THSD7A: variants seen among roughly 807,000 people sequenced by gnomAD.
The protein encoded by THSD7A is thrombospondin type-1 domain-containing protein 7A.
A neutral mutation model predicts 231.3 loss-of-function variants in THSD7A; 96 were observed. The observed-to-expected ratio is 0.41, with a 90% CI of 0.35 to 0.49. THSD7A has a LOEUF of 0.49. THSD7A is among the 20% of genes least tolerant of loss of function. The pLI is 0.05. For missense variants in THSD7A, 2,290 were observed against 2,070.2 expected (o/e 1.11, Z -2.06); for synonymous variants, 940 against 743.3 (o/e 1.26, Z -4.30).
intron 1 of THSD7A, among the ~76,000 whole-genome samples, chr7:11,689,882 T>C (rs2128141610): frequency 6.6e-6 from 1 of 150,948 alleles, no homozygotes. Context: ...GCTCCAGAGA[T>C]TTGTATCTGC....
chr7:11,471,021 T>C (rs1785916765), intron 8 of THSD7A, among the ~76,000 whole-genome samples: 1 of 151,984 alleles, frequency 6.6e-6, no homozygotes, highest in Non-Finnish European at 1.5e-5. Flanking sequence ...ATTTTTAAAT[T>C]TCCCAATTCT....
chr7:11,789,560 C>CTT (rs5882324), intron 1 of THSD7A, among the ~76,000 whole-genome samples: 8 of 147,940 alleles, frequency 5.4e-5, no homozygotes, highest in African/African-American at 2.0e-4. Context: ...ATTTATTTGT[C>CTT]TTTTTTTTTT....
Position 11,375,619 on chromosome 7 carries a change from G to T in THSD7A, c.*175C>A, listed in dbSNP as rs1782237846. On this transcript the variant is annotated 3_prime_UTR_variant, in exon 28 of 28. Coordinates refer to ENST00000423059, the MANE Select transcript of THSD7A (RefSeq NM_015204.3). ...CACGGTTGATGGTCTGTATATAAGT[G>T]GTACTGTCTTAAATATCTCCAGTGG... 1.8e-6 allele frequency: 1 copy of T among 559,826 alleles called. No individual in the cohort carries two copies. Among genetic ancestry groups the T allele is most frequent in the Non-Finnish European group, 3.2e-6 (1 of 314,452 alleles). The allele number at this position is 559,826 out of a possible 1,614,324, so 34.7% of individuals were successfully genotyped here.
chr7:11,394,884 C>T lies in THSD7A; in HGVS notation c.4411+6911G>A, dbSNP rs544323412. Among the ~76,000 whole-genome samples, 7 of 152,196 alleles carry T rather than the reference C, an allele frequency of 4.6e-5. 2 individuals carry two copies. The highest frequency in any genetic ancestry group is 1.4e-4 in the African/African-American group (6 of 41,524). On this transcript the variant is annotated intron_variant, in intron 23 of 27. Coordinates refer to ENST00000423059, the MANE Select transcript of THSD7A (RefSeq NM_015204.3). The stretch of plus-strand genomic sequence containing the variant: ...ACACATACCAAATTGTAAAGACTAT[C>T]GACACTATGAAGAAACTGCATCAAC...
chr7:11,585,766 C>G (rs1357452603), intron 4 of THSD7A, among the ~76,000 whole-genome samples: 1 of 151,846 alleles, frequency 6.6e-6, no homozygotes, highest in African/African-American at 2.4e-5. Flanking sequence ...AGGGTGCACT[C>G]ACACACACAC....
chr7:11,712,232 C>G (rs1410266886), intron 1 of THSD7A, among the ~76,000 whole-genome samples: 3 of 151,022 alleles, frequency 2.0e-5, no homozygotes, highest in African/African-American at 7.3e-5. Context: ...ACTGACTATA[C>G]CCTACTTTTC....
At chr7:11,828,724 G>T (rs10242890) in intron 1 of THSD7A, among the ~76,000 whole-genome samples, 59,178 of 151,870 alleles carry the variant, frequency 0.39, 14,816 homozygotes, top group African/African-American at 0.7. Flanking sequence ...AAAGCACATA[G>T]ATAGATAGAT....
At chr7:11,714,615 G>C (rs1489124903) in intron 1 of THSD7A, among the ~76,000 whole-genome samples, 2 of 151,072 alleles carry the variant, frequency 1.3e-5, no homozygotes, top group Admixed American at 6.6e-5. Context: ...TCTCACCCTT[G>C]TTTTCTTAAG....
chr7:11,683,153 G>C, intron 1 of THSD7A, among the ~76,000 whole-genome samples: 1 of 149,748 alleles, frequency 6.7e-6, no homozygotes, highest in East Asian at 2.0e-4. Context: ...ATCATGCCAA[G>C]CATATTCTTG....
intron 1 of THSD7A, among the ~76,000 whole-genome samples, chr7:11,668,807 A>G (rs1291297467): frequency 1.3e-5 from 2 of 152,204 alleles, no homozygotes; most frequent in African/African-American, 4.8e-5. Context: ...AAGTTATTTC[A>G]TTAAGAACAA....
chr7:11,379,546 T>C, intron 25 of THSD7A, 84 bp downstream of exon 25: 1 of 1,294,084 alleles, frequency 7.7e-7, no homozygotes, highest in Middle Eastern at 1.9e-4. Flanking sequence ...ACATGCTTTC[T>C]TTGGAGGAAG....
At chr7:11,567,402 C>T (rs1790400540) in intron 4 of THSD7A, among the ~76,000 whole-genome samples, 1 of 152,282 alleles carries the variant, frequency 6.6e-6, no homozygotes, top group South Asian at 2.1e-4. Context: ...TCAATTACCT[C>T]CACCTGGTTT....
chr7:11,581,119 CA>C (rs1791140930), intron 4 of THSD7A, among the ~76,000 whole-genome samples: 2 of 152,004 alleles, frequency 1.3e-5, no homozygotes, highest in South Asian at 4.2e-4. Flanking sequence ...TGTGTGTTCC[CA>C]ACATACACAT....
intron 24 of THSD7A, among the ~76,000 whole-genome samples, chr7:11,380,997 T>C (rs1339077495): frequency 6.6e-6 from 1 of 152,146 alleles, no homozygotes; most frequent in African/African-American, 2.4e-5. Flanking sequence ...GTCAGGTAAA[T>C]ATTATTTGCA....
chr7:11,787,672 C>G (rs138872764), intron 1 of THSD7A, among the ~76,000 whole-genome samples: 30 of 152,136 alleles, frequency 2.0e-4, no homozygotes, highest in African/African-American at 7.2e-4. Context: ...CATCCTATGT[C>G]ACTAGGGAAC....
chr7:11,511,131 C>T (rs550082367), intron 6 of THSD7A, among the ~76,000 whole-genome samples: 7 of 152,072 alleles, frequency 4.6e-5, no homozygotes, highest in African/African-American at 9.7e-5. Flanking sequence ...CATTCCTATA[C>T]GCCAATAACA....
Position 11,474,024 on chromosome 7 carries a change from T to C in THSD7A, c.2252+310A>G, listed in dbSNP as rs1050079533. 6.6e-6 allele frequency among the ~76,000 whole-genome samples: 1 copy of C among 152,182 alleles called. No individual in the cohort carries two copies. The highest frequency in any genetic ancestry group is 2.4e-5 in the African/African-American group (1 of 41,442). ...GCCAGGACCTAGTACACTGTCATTATTGATCAGCCAGGCTTACGGCAAGCA... is the reference window on the plus strand; with the variant it reads ...GCCAGGACCTAGTACACTGTCATTACTGATCAGCCAGGCTTACGGCAAGCA... On this transcript the variant is annotated intron_variant, in intron 8 of 27. Coordinates refer to ENST00000423059, the MANE Select transcript of THSD7A (RefSeq NM_015204.3). The surrounding 1 kb of genome is among the most constrained non-coding windows in gnomAD (Gnocchi z 4.1).
intron 1 of THSD7A, among the ~76,000 whole-genome samples, chr7:11,712,298 T>G (rs914182693): frequency 6.6e-6 from 1 of 150,998 alleles, no homozygotes; most frequent in African/African-American, 2.4e-5. Flanking sequence ...CACAGTCGAG[T>G]ACTATAGGTA....
At position 11,414,870 on chromosome 7, in the gene THSD7A, T is replaced by C. The variant is rs184804831; in HGVS notation, c.3538-2070A>G. Among the ~76,000 whole-genome samples the C allele has an allele frequency of 8.5e-4, 129 of 152,372 alleles. 1 individual carries two copies. Among genetic ancestry groups the C allele is most frequent in the African/African-American group, 2.8e-3 (116 of 41,578 alleles). The stretch of plus-strand genomic sequence containing the variant: ...CTGCAGTGCACTAGGAGAGGACTTA[T>C]GTTTTAGATAGCTGTATATTCTCCC... On this transcript the variant is annotated intron_variant, in intron 17 of 27. Transcript: ENST00000423059.
Sources: gnomAD v4.1 joint callset for allele counts (sites outside exome capture counted in the v4.1 genomes callset) on GRCh38, gnomAD v4.1.1 for gene constraint, Gnocchi (gnomAD v3.1) non-coding constraint, MANE v1.5 for transcripts, NCBI Gene and HGNC (gene_info 2026-07-23, HGNC 2026-07-21) for gene names.